Variants in PHF21B observed in about 807,000 individuals in gnomAD.
PHF21B encodes the protein PHD finger protein 4.
Under a neutral mutation model 62.2 loss-of-function variants are expected in PHF21B, and 22 were observed. That is an observed-to-expected ratio of 0.35 (90% CI 0.25 to 0.51). The LOEUF is 0.51. Among genes scored for constraint, PHF21B ranks in the 20% least tolerant of loss-of-function variants. PHF21B has a pLI of 0.97. For synonymous variants in PHF21B, 341 were observed against 314.7 expected (o/e 1.08, Z -0.88); for missense variants, 701 against 707.9 (o/e 0.99, Z 0.11).
At chr22:44,999,632 A>G (rs140020084) in intron 2 of PHF21B, among the ~76,000 whole-genome samples, 1 of 152,128 alleles carries the variant, frequency 6.6e-6, no homozygotes, top group African/African-American at 2.4e-5. Flanking sequence ...TGTGCCCCGG[A>G]GTAACAGTCC....
At chr22:44,978,752 CCCAATCTCCTGGCTCCCGTAGGAGCTAA>C (rs1237102268) in intron 2 of PHF21B, among the ~76,000 whole-genome samples, 10 of 152,358 alleles carry the variant, frequency 6.6e-5, no homozygotes, top group African/African-American at 2.2e-4. Flanking sequence ...ACTACACCTG[CCCAATCTCCTGGCTCCCGTAGGAGCTAA>C]CCAATCTCCT....
At position 44,938,769 on chromosome 22, in the gene PHF21B, AC is replaced by A. The variant is rs1216205093; in HGVS notation, c.121-18280del. ...AATAAGGTGCCATCTCTAGGAGGAGACCCAGGACCAGGATCAGGAACAGGTT... is the reference window on the plus strand; with the variant it reads ...AATAAGGTGCCATCTCTAGGAGGAGACCAGGACCAGGATCAGGAACAGGTT... On this transcript the variant is annotated intron_variant, in intron 2 of 12. Coordinates refer to ENST00000313237, the MANE Select transcript of PHF21B (RefSeq NM_138415.5). Among the ~76,000 whole-genome samples the A allele has an allele frequency of 3.3e-5, 5 of 152,148 alleles. 1 individual carries two copies. Among genetic ancestry groups the A allele is most frequent in the Admixed American group, 3.3e-4 (5 of 15,276 alleles).
Position 44,994,044 on chromosome 22 carries a change from T to C in PHF21B, c.120+14501A>G, listed in dbSNP as rs556764718. Among the ~76,000 whole-genome samples, 94 of 152,352 alleles carry C rather than the reference T, an allele frequency of 6.2e-4. 1 individual carries two copies. The highest frequency in any genetic ancestry group is 2.3e-3 in the African/African-American group (94 of 41,580). ...TTCATAGTTTGTCCATCTCAGCTTC[T>C]GGCTGTGAGAGAAGGACAGGGAGCA... is the stretch of plus-strand genomic sequence containing the variant. On this transcript the variant is annotated intron_variant, in intron 2 of 12. Coordinates refer to ENST00000313237, the MANE Select transcript of PHF21B (RefSeq NM_138415.5).
chr22:45,001,831 T>G (rs1015611694), intron 2 of PHF21B: 8 of 152,190 alleles, frequency 5.3e-5, no homozygotes, highest in African/African-American at 1.9e-4. Context: ...TTACCCAACA[T>G]CATAGACGCA....
intron 2 of PHF21B, among the ~76,000 whole-genome samples, chr22:44,939,264 G>A (rs189251567): frequency 2.6e-5 from 4 of 152,326 alleles, no homozygotes; most frequent in Admixed American, 6.5e-5. Context: ...CTTCACCCAC[G>A]GCTGGGGAGA....
intron 6 of PHF21B, among the ~76,000 whole-genome samples, chr22:44,895,374 C>A (rs531081363): frequency 2.0e-5 from 3 of 152,182 alleles, no homozygotes; most frequent in African/African-American, 7.2e-5. Context: ...GTGAAGCTGC[C>A]CTCATCCGTA....
At position 44,914,007 on chromosome 22, in the gene PHF21B, GA is replaced by G; in HGVS notation, c.645del (p.Ser217ProfsTer67). On this transcript the variant is annotated frameshift_variant, in exon 5 of 13. Coordinates refer to ENST00000313237, the MANE Select transcript of PHF21B (RefSeq NM_138415.5). LOFTEE classifies it high-confidence loss of function. Reference protein sequence around the residue: ...PLHPSSLPLTPPSPSLSPSPL... With the variant: ...PLHPSSLPLTXPSPSLSPSPL... ...GGTGAAGGGGACAGTGATGGGGAGGGAGGGGTGAGGGGAAGAGAGGAGGGGT... is the reference window on the plus strand; with the variant it reads ...GGTGAAGGGGACAGTGATGGGGAGGGGGGGTGAGGGGAAGAGAGGAGGGGT... The G allele has an allele frequency of 7.9e-7, 1 of 1,259,244 alleles. No individual in the cohort carries two copies. Among genetic ancestry groups the G allele is most frequent in the Non-Finnish European group, 1.2e-6 (1 of 859,858 alleles). The allele number at this position is 1,259,244 out of a possible 1,614,324, so 78.0% of individuals were successfully genotyped here. A position where few individuals can be genotyped will look rare whatever the true frequency, so the allele number is the denominator to read the frequency against.
chr22:44,994,507 T>C (rs1010880395), intron 2 of PHF21B, among the ~76,000 whole-genome samples: 2 of 152,216 alleles, frequency 1.3e-5, no homozygotes. Context: ...GACACTTTCC[T>C]TTCAGACTTC....
intron 7 of PHF21B, among the ~76,000 whole-genome samples, chr22:44,892,882 T>C (rs1024719143): frequency 6.6e-6 from 1 of 152,204 alleles, no homozygotes; most frequent in Non-Finnish European, 1.5e-5. Context: ...TGCTCCCCTA[T>C]GGCATCCTTA....
chr22:44,915,761 A>C (rs1456616827), intron 4 of PHF21B, among the ~76,000 whole-genome samples: 1 of 152,222 alleles, frequency 6.6e-6, no homozygotes, highest in Non-Finnish European at 1.5e-5. Flanking sequence ...CGAAGGCCTC[A>C]AACAGCACAA....
intron 2 of PHF21B, among the ~76,000 whole-genome samples, chr22:44,936,977 G>C (rs2071863282): frequency 6.7e-6 from 1 of 149,710 alleles, no homozygotes; most frequent in Non-Finnish European, 1.5e-5. Context: ...GGATTGTCCT[G>C]CCTCAGCCTC....
chr22:45,009,633 G>A lies in PHF21B; in HGVS notation c.-84C>T, dbSNP rs2073388953. 2 of 1,349,584 alleles carry A rather than the reference G, an allele frequency of 1.5e-6. No individual in the cohort carries two copies. Among genetic ancestry groups the A allele is most frequent in the Non-Finnish European group, 1.9e-6 (2 of 1,033,886 alleles). 83.6% of individuals were successfully genotyped at this position (1,349,584 alleles called of 1,614,324 possible). A position where few individuals can be genotyped will look rare whatever the true frequency, so the allele number is the denominator to read the frequency against. ...CGGCTCCGCGGGGGCCAGAGCGGGC[G>A]CGGGCGGACGCGGCCTCCGGGCTGG... On this transcript the variant is annotated 5_prime_UTR_variant, in exon 1 of 13. Coordinates refer to ENST00000313237, the MANE Select transcript of PHF21B (RefSeq NM_138415.5). The surrounding 1 kb of genome is among the most constrained non-coding windows in gnomAD (Gnocchi z 5.9).
At chr22:44,904,398 C>A (rs1185750629) in intron 5 of PHF21B, among the ~76,000 whole-genome samples, 1 of 151,958 alleles carries the variant, frequency 6.6e-6, no homozygotes, top group Middle Eastern at 3.2e-3. Context: ...TATCTTCTGG[C>A]AAAAGCACAG....
At chr22:44,961,786 A>C (rs904936120) in intron 2 of PHF21B, among the ~76,000 whole-genome samples, 1 of 152,002 alleles carries the variant, frequency 6.6e-6, no homozygotes, top group Non-Finnish European at 1.5e-5. Context: ...GGTTGCAGTG[A>C]GCCGAGGTTG....
In PHF21B at chr22:44,993,587, G is replaced by A. The variant is rs374413252; in HGVS notation, c.120+14958C>T. ...GTGCAGTTGACACACACGCTTCTCC[G>A]CAAGGCAGTCAATCCCCATCACAGG... On this transcript the variant is annotated intron_variant, in intron 2 of 12. Transcript: ENST00000313237. 4.6e-4 allele frequency among the ~76,000 whole-genome samples: 70 copies of A among 152,340 alleles called. No homozygotes were observed. In the South Asian group the frequency reaches 0.011, roughly 25 times the overall value.
chr22:44,920,619 A>C, intron 2 of PHF21B, 129 bp from the exon 3 acceptor site: 1 of 511,656 alleles, frequency 2.0e-6, no homozygotes, highest in Non-Finnish European at 3.5e-6. Context: ...TTTCTTAATT[A>C]TGATTTTTAA....
At chr22:44,988,697 T>A (rs1001098759) in intron 2 of PHF21B, among the ~76,000 whole-genome samples, 1 of 152,230 alleles carries the variant, frequency 6.6e-6, no homozygotes, top group Non-Finnish European at 1.5e-5. Context: ...GAGAAAGGTC[T>A]GCAGATTGTG....
At chr22:44,967,773 C>T (rs1230353601) in intron 2 of PHF21B, among the ~76,000 whole-genome samples, 1 of 152,144 alleles carries the variant, frequency 6.6e-6, no homozygotes, top group Admixed American at 6.5e-5. Flanking sequence ...AGGATCCCAA[C>T]GAGGATCCCA....
At chr22:44,990,425 G>A (rs1396666243) in intron 2 of PHF21B, among the ~76,000 whole-genome samples, 1 of 55,520 alleles carries the variant, frequency 1.8e-5, no homozygotes. Flanking sequence ...GTGCATTGAC[G>A]GATGAATGGA....
Sources: gnomAD v4.1 joint callset for allele counts (sites outside exome capture counted in the v4.1 genomes callset) on GRCh38, gnomAD v4.1.1 for gene constraint, Gnocchi (gnomAD v3.1) non-coding constraint, MANE v1.5 for transcripts, NCBI Gene and HGNC (gene_info 2026-07-23, HGNC 2026-07-21) for gene names.